The following EDC4 variants were observed in gnomAD, a reference collection of about 807,000 sequenced individuals.
The protein encoded by EDC4 is enhancer of mRNA decapping 4.
A neutral mutation model predicts 155.8 loss-of-function variants in EDC4; 64 were observed. That is an observed-to-expected ratio of 0.41 (90% CI 0.34 to 0.51). EDC4 has a LOEUF of 0.51. EDC4 is among the 20% of genes least tolerant of loss of function. EDC4 has a pLI of 0.19. For missense variants in EDC4, 1,303 were observed against 1,812.5 expected (o/e 0.72, Z 5.10); for synonymous variants, 684 against 716.8 (o/e 0.95, Z 0.73).
Position 67,877,347 on chromosome 16 carries a change from C to T in EDC4, c.582C>T (p.Cys194=), listed in dbSNP as rs745537523. 4 of 1,614,092 alleles carry T rather than the reference C, an allele frequency of 2.5e-6. No individual in the cohort carries two copies. In the East Asian group the frequency reaches 8.9e-5, roughly 36 times the overall value. Residue 194 remains cysteine (C), a synonymous_variant, in exon 5 of 29, where the codon TGC becomes TGT. Transcript: ENST00000358933. This position sits in a 1 kb window ranked among gnomAD's most constrained non-coding sequence, Gnocchi z 4.9. ...ACCTCAACTCTCCACAGCTGGCCTG[C>T]CTGGATGAGGCAGGCAACCTGTTCG... ...FAHLNSPQLA[C]LDEAGNLFVW...
In EDC4 at chr16:67,880,578, C is replaced by T. The variant is rs553389062; in HGVS notation, c.2119C>T (p.Leu707=). 21 of 1,614,084 alleles carry T rather than the reference C, an allele frequency of 1.3e-5. No homozygotes were observed. In the East Asian group the frequency reaches 4.0e-4, roughly 31 times the overall value. The change falls in exon 18 of 29, where the codon CTG becomes TTG. Residue 707 remains leucine (L), a synonymous_variant. Transcript: ENST00000358933. The surrounding 1 kb of genome is among the most constrained non-coding windows in gnomAD (Gnocchi z 5.2). ...TCAGGTGCCTACTGCCACCTCTGCA[C>T]TGTCCCTGGAGCTGCAGGAAGTGGA... is the stretch of plus-strand genomic sequence containing the variant. The part of the protein sequence containing the change: ...PGQVPTATSA[L]SLELQEVEPL...
At position 67,882,762 on chromosome 16, in the gene EDC4, G is replaced by T. The variant is rs758613339; in HGVS notation, c.3526G>T (p.Gly1176Cys). The change falls in exon 26 of 29, where the codon GGC becomes TGC. Residue 1176 changes from glycine to cysteine, a missense_variant. Physicochemically the swap from Gly to Cys is radical, Grantham distance 159. This residue lies in a region of EDC4 where 527 missense variants were observed against 757.0 expected (regional missense o/e 0.70). Coordinates refer to ENST00000358933, the MANE Select transcript of EDC4 (RefSeq NM_014329.5). This position sits in a 1 kb window ranked among gnomAD's most constrained non-coding sequence, Gnocchi z 7.2. Reference sequence around the variant, plus strand: ...GGAGCCTGTGCTAGCCCAGCTGCGGGGCCTGGTCAGCACACTGCAGAGTGC... The same window carrying T: ...GGAGCCTGTGCTAGCCCAGCTGCGGTGCCTGGTCAGCACACTGCAGAGTGC... The part of the protein sequence containing the change: ...AREPVLAQLR[G>C]LVSTLQSATE... The T allele has an allele frequency of 5.0e-6, 8 of 1,614,242 alleles. No homozygotes were observed. Among genetic ancestry groups the T allele is most frequent in the Non-Finnish European group, 5.1e-6 (6 of 1,180,042 alleles).
Position 67,880,933 on chromosome 16 carries a change from A to G in EDC4, c.2474A>G (p.Gln825Arg). The change falls in exon 18 of 29, where the codon CAG becomes CGG. Residue 825 changes from glutamine (Q) to arginine (R), a missense_variant. Transcript: ENST00000358933. The surrounding 1 kb of genome is among the most constrained non-coding windows in gnomAD (Gnocchi z 5.2). ...CAGGAGGCCTCGACTCCTGACAGTC[A>G]GGTTTGGCCCACAGCACCTGACATT... ...LTQEASTPDS[Q>R]VWPTAPDITR... The G allele has an allele frequency of 6.2e-7, 1 of 1,614,040 alleles. No homozygotes were observed. The highest frequency in any genetic ancestry group is 1.1e-5 in the South Asian group (1 of 91,086).
In EDC4 at chr16:67,880,208, C is replaced by A; in HGVS notation, c.2089C>A (p.Pro697Thr). Residue 697 changes from proline to threonine, a missense_variant, in exon 17 of 29, where the codon CCG becomes ACG. Transcript: ENST00000358933. The surrounding 1 kb of genome is among the most constrained non-coding windows in gnomAD (Gnocchi z 5.2). ...AGCTGACAAACTGACTCCCAAGGGG[C>A]CGGGCCAGGTGTGTGACTGGGTGTG... ...APADKLTPKG[P>T]GQVPTATSAL... 6.2e-7 allele frequency: 1 copy of A among 1,605,710 alleles called. No individual in the cohort carries two copies. Among genetic ancestry groups the A allele is most frequent in the Non-Finnish European group, 8.5e-7 (1 of 1,177,258 alleles).
In EDC4 at chr16:67,879,243, C is replaced by T. The variant is rs2058054338; in HGVS notation, c.1475C>T (p.Thr492Ile). 1 of 1,614,172 alleles carries T rather than the reference C, an allele frequency of 6.2e-7. No individual in the cohort carries two copies. Among genetic ancestry groups the T allele is most frequent in the Non-Finnish European group, 8.5e-7 (1 of 1,180,016 alleles). The change falls in exon 13 of 29, where the codon ACC (threonine) becomes ATC (isoleucine). Residue 492 changes from threonine (T) to isoleucine (I), a missense_variant. Coordinates refer to ENST00000358933, the MANE Select transcript of EDC4 (RefSeq NM_014329.5). The surrounding 1 kb of genome is among the most constrained non-coding windows in gnomAD (Gnocchi z 6.0). ...EENDSLGADG[T>I]HGAGAMESAA... Reference sequence around the variant, plus strand: ...ATCCACACTGTCCTTTCAGATGGTACCCATGGAGCCGGTGCCATGGAGTCT... The same window carrying T: ...ATCCACACTGTCCTTTCAGATGGTATCCATGGAGCCGGTGCCATGGAGTCT...
Position 67,881,865 on chromosome 16 carries a change from C to T in EDC4, c.3004+20C>T. 6.2e-7 allele frequency: 1 copy of T among 1,608,666 alleles called. No individual in the cohort carries two copies. The highest frequency in any genetic ancestry group is 8.5e-7 in the Non-Finnish European group (1 of 1,175,506). On this transcript the variant is annotated intron_variant, in intron 22 of 28. Transcript: ENST00000358933. The surrounding 1 kb of genome is among the most constrained non-coding windows in gnomAD (Gnocchi z 5.4). ...AGGAACGTATCCTTGAGACTGGTAG[C>T]ACAACATGGCATAGGGACGGGGGCA...
In EDC4 at chr16:67,877,398, C is replaced by T; in HGVS notation, c.633C>T (p.Gly211=). 1.2e-6 allele frequency: 2 copies of T among 1,612,896 alleles called. No individual in the cohort carries two copies. Among genetic ancestry groups the T allele is most frequent in the Non-Finnish European group, 1.7e-6 (2 of 1,179,578 alleles). Residue 211 remains glycine (G), a synonymous_variant, in exon 5 of 29, where the codon GGC becomes GGT. Transcript: ENST00000358933. This position sits in a 1 kb window ranked among gnomAD's most constrained non-coding sequence, Gnocchi z 4.9. ...TGTGGCGCTTGGCTCTGGTTAATGG[C>T]AAAATTCAGTATCCATTCCTTCCTG... ...LFVWRLALVN[G]KIQEEILVHI...
Position 67,881,701 on chromosome 16 carries a change from A to C in EDC4, c.2860A>C (p.Ile954Leu), listed in dbSNP as rs2058068879. 1 of 1,613,982 alleles carries C rather than the reference A, an allele frequency of 6.2e-7. No homozygotes were observed. The highest frequency in any genetic ancestry group is 8.5e-7 in the Non-Finnish European group (1 of 1,179,938). The change falls in exon 22 of 29, where the codon ATT becomes CTT. Residue 954 changes from isoleucine to leucine, a missense_variant. Ile to Leu is a conservative substitution (Grantham distance 5). This residue lies in a region of EDC4 where 527 missense variants were observed against 757.0 expected (regional missense o/e 0.70). Transcript: ENST00000358933. This position sits in a 1 kb window ranked among gnomAD's most constrained non-coding sequence, Gnocchi z 5.4. The part of the protein sequence containing the change: ...AEPPEDWPAL[I>L]WQQQRELAEL... ...GCCCCCTGAGGACTGGCCAGCACTA[A>C]TTTGGCAACAGCAGAGAGAGCTGGC...
rs767291784 is a variant in EDC4, at chr16:67,877,028, G to C, written c.451+56G>C. On this transcript the variant is annotated intron_variant, in intron 4 of 28. Transcript: ENST00000358933. The surrounding 1 kb of genome is among the most constrained non-coding windows in gnomAD (Gnocchi z 4.9). ...TTCTGCTGGATGTCCCACAGAGCCA[G>C]TTCCAACATCAGGCCACTCAGGCCT... 22 of 1,603,314 alleles carry C rather than the reference G, an allele frequency of 1.4e-5. No homozygotes were observed. Among genetic ancestry groups the C allele is most frequent in the Admixed American group, 1.7e-5 (1 of 59,284 alleles).
rs2151303386 is a variant in EDC4 at position 67,873,078 on chromosome 16, G to A, written c.-184G>A. 2.3e-6 allele frequency: 1 copy of A among 437,926 alleles called. No homozygotes were observed. The highest frequency in any genetic ancestry group is 3.6e-5 in the East Asian group (1 of 27,554). 27.1% of individuals were successfully genotyped at this position (437,926 alleles called of 1,614,324 possible). A position where few individuals can be genotyped will look rare whatever the true frequency, so the allele number is the denominator to read the frequency against. The stretch of plus-strand genomic sequence containing the variant: ...GCCTCGGCTCGTGGGTGCCGGAAGT[G>A]GAGGCGGTTGGTGGGGTTGGCGGGG... On this transcript the variant is annotated 5_prime_UTR_variant, in exon 1 of 29. Coordinates refer to ENST00000358933, the MANE Select transcript of EDC4 (RefSeq NM_014329.5).
rs1689861735 is a variant in EDC4, at chr16:67,881,032, C to T, written c.2531+42C>T. ...GGGAAAAGTGTGCTAGCAGGAGGGG[C>T]TTCAGATAGATTCATCCATGGCTAA... On this transcript the variant is annotated intron_variant, in intron 18 of 28. Coordinates refer to ENST00000358933, the MANE Select transcript of EDC4 (RefSeq NM_014329.5). The surrounding 1 kb of genome is among the most constrained non-coding windows in gnomAD (Gnocchi z 5.4). 2 of 1,613,858 alleles carry T rather than the reference C, an allele frequency of 1.2e-6. No homozygotes were observed. Among genetic ancestry groups the T allele is most frequent in the Admixed American group, 1.7e-5 (1 of 60,004 alleles).
At chr16:67,874,457 G>T (rs985108961) in intron 1 of EDC4, among the ~76,000 whole-genome samples, 1 of 152,190 alleles carries the variant, frequency 6.6e-6, no homozygotes, top group Non-Finnish European at 1.5e-5. Context: ...TTTGTCCCAG[G>T]CCTGGAGTGT....
chr16:67,878,078 C>A lies in EDC4; in HGVS notation c.895-88C>A, dbSNP rs898599127. The A allele has an allele frequency of 6.4e-7, 1 of 1,574,718 alleles. No individual in the cohort carries two copies. Among genetic ancestry groups the A allele is most frequent in the South Asian group, 1.2e-5 (1 of 86,694 alleles). On this transcript the variant is annotated intron_variant, in intron 7 of 28. Transcript: ENST00000358933. The surrounding 1 kb of genome is among the most constrained non-coding windows in gnomAD (Gnocchi z 5.2). ...CAGTCACACAAGCATGCCAGTCCCA[C>A]CGTGAGTCAGCCCAGCTCATTGCCA...
Position 67,883,752 on chromosome 16 carries a change from ATGGGGAGATGAGC to A in EDC4, c.4013+29_4013+41del. 1 of 1,612,868 alleles carries A rather than the reference ATGGGGAGATGAGC, an allele frequency of 6.2e-7. No individual in the cohort carries two copies. Among genetic ancestry groups the A allele is most frequent in the Non-Finnish European group, 8.5e-7 (1 of 1,179,240 alleles). ...CTCAGGTAAGTGGGGACAGCCAGGG[ATGGGGAGATGAGC>A]TGGGGAGTGGGGCAGTGGGAGGGAG... On this transcript the variant is annotated intron_variant, in intron 28 of 28. Coordinates refer to ENST00000358933, the MANE Select transcript of EDC4 (RefSeq NM_014329.5). This position sits in a 1 kb window ranked among gnomAD's most constrained non-coding sequence, Gnocchi z 5.3.
At position 67,882,155 on chromosome 16, in the gene EDC4, G is replaced by A. The variant is rs2058070894; in HGVS notation, c.3160+46G>A. 3.7e-6 allele frequency: 6 copies of A among 1,613,120 alleles called. No individual in the cohort carries two copies. Among genetic ancestry groups the A allele is most frequent in the Admixed American group, 1.7e-5 (1 of 59,746 alleles). On this transcript the variant is annotated intron_variant, in intron 23 of 28. Transcript: ENST00000358933. This position sits in a 1 kb window ranked among gnomAD's most constrained non-coding sequence, Gnocchi z 7.2. Reference sequence around the variant, plus strand: ...CCCTTTGGGTGGTTCAGGTGGGAGTGGGGTACCTGTCAAGCTTCTTCTCAT... The same window carrying A: ...CCCTTTGGGTGGTTCAGGTGGGAGTAGGGTACCTGTCAAGCTTCTTCTCAT...
chr16:67,876,430 C>A lies in EDC4; in HGVS notation c.240-58C>A. ...GGCTATGTCCTCGCTTCCTCCCAAC[C>A]CTGCCCGCTGAGCCTTTGGGTGAAC... On this transcript the variant is annotated intron_variant, in intron 2 of 28. Coordinates refer to ENST00000358933, the MANE Select transcript of EDC4 (RefSeq NM_014329.5). This position sits in a 1 kb window ranked among gnomAD's most constrained non-coding sequence, Gnocchi z 5.8. 6.3e-7 allele frequency: 1 copy of A among 1,595,994 alleles called. No individual in the cohort carries two copies. Among genetic ancestry groups the A allele is most frequent in the South Asian group, 1.1e-5 (1 of 88,542 alleles).
intron 1 of EDC4, 189 bp from the exon 2 acceptor site, chr16:67,875,756 C>T (rs2058038817): frequency 1.4e-6 from 2 of 1,395,478 alleles, no homozygotes; most frequent in African/African-American, 1.4e-5. Flanking sequence ...GCCTCATGCT[C>T]ATCCTTGGTC....
chr16:67,877,366 C>G lies in EDC4; in HGVS notation c.601C>G (p.Leu201Val). ...QLACLDEAGN[L>V]FVWRLALVNG... is the part of the protein sequence containing the mutation. ...GGCCTGCCTGGATGAGGCAGGCAAC[C>G]TGTTCGTGTGGCGCTTGGCTCTGGT... Residue 201 changes from leucine to valine, a missense_variant, in exon 5 of 29, where the codon CTG (leucine) becomes GTG (valine). By Grantham distance (32) the Leu-to-Val change is conservative (BLOSUM62 1). Coordinates refer to ENST00000358933, the MANE Select transcript of EDC4 (RefSeq NM_014329.5). The surrounding 1 kb of genome is among the most constrained non-coding windows in gnomAD (Gnocchi z 4.9). 1 of 1,613,990 alleles carries G rather than the reference C, an allele frequency of 6.2e-7. No homozygotes were observed. The highest frequency in any genetic ancestry group is 8.5e-7 in the Non-Finnish European group (1 of 1,180,020).
In EDC4 at chr16:67,879,882, T is replaced by TAGCAGCAGCAGC; in HGVS notation, c.1863_1874dup (p.Ser626_Ser629dup). On this transcript the variant is annotated inframe_insertion, in exon 16 of 29. Transcript: ENST00000358933. This position sits in a 1 kb window ranked among gnomAD's most constrained non-coding sequence, Gnocchi z 6.0. ...CCTCTCCCAGCAGCAGCAGCAGCGGTAGCAGCAGCAGCAGCAGCAGTAGCA... is the reference window on the plus strand; with the variant it reads ...CCTCTCCCAGCAGCAGCAGCAGCGGTAGCAGCAGCAGCAGCAGCAGCAGCAGCAGCAGTAGCA... 6.2e-7 allele frequency: 1 copy of TAGCAGCAGCAGC among 1,610,364 alleles called. No homozygotes were observed. Among genetic ancestry groups the TAGCAGCAGCAGC allele is most frequent in the Middle Eastern group, 1.7e-4 (1 of 6,048 alleles).
Sources: allele counts gnomAD v4.1 joint callset (sites outside exome capture counted in the v4.1 genomes callset), GRCh38; gene constraint gnomAD v4.1.1; regional missense constraint gnomAD v4.1.1; non-coding constraint Gnocchi (gnomAD v3.1); transcripts MANE v1.5; gene names NCBI Gene and HGNC (gene_info 2026-07-23, HGNC 2026-07-21).